Variants in USP10 observed in about 807,000 individuals in gnomAD.
The protein encoded by USP10 is ubiquitin carboxyl-terminal hydrolase 10.
A neutral mutation model predicts 84.5 loss-of-function variants in USP10; 22 were observed. The ratio of observed to expected loss-of-function variants is 0.26; its 90% CI spans 0.19 to 0.37. The LOEUF (loss-of-function observed/expected upper bound fraction) is 0.37, where lower values mean the gene tolerates loss of function less well. USP10 is among the 10% of genes least tolerant of loss of function. USP10 has a pLI of 1.00. For synonymous variants in USP10, 454 were observed against 387.6 expected (o/e 1.17, Z -2.01); for missense variants, 1,019 against 998.9 (o/e 1.02, Z -0.27).
chr16:84,712,341 A>G (rs1906419650), intron 1 of USP10, among the ~76,000 whole-genome samples: 1 of 152,158 alleles, frequency 6.6e-6, no homozygotes, highest in Non-Finnish European at 1.5e-5. Context: ...CACCACATGG[A>G]TGAGCCGGAA....
intron 1 of USP10, among the ~76,000 whole-genome samples, chr16:84,715,326 AC>A (rs1209010405): frequency 1.3e-5 from 2 of 152,220 alleles, no homozygotes; most frequent in Non-Finnish European, 2.9e-5. Context: ...AAGCATCCTT[AC>A]CTTTGTGTAT....
At chr16:84,713,504 C>CCCCCAATGTAAGCTCCTTGAGG (rs1193205179) in intron 1 of USP10, among the ~76,000 whole-genome samples, 1 of 152,126 alleles carries the variant, frequency 6.6e-6, no homozygotes, top group Non-Finnish European at 1.5e-5. Context: ...CTCTCGTCCT[C>CCCCCAATGTAAGCTCCTTGAGG]CCCCAATGTA....
At chr16:84,736,946 G>A (rs906917060) in intron 2 of USP10, among the ~76,000 whole-genome samples, 41 of 152,140 alleles carry the variant, frequency 2.7e-4, no homozygotes, top group Admixed American at 2.6e-3. Context: ...CCGCCACCTC[G>A]CCCGGCTAAT....
chr16:84,721,305 A>C (rs1256685926), intron 1 of USP10, among the ~76,000 whole-genome samples: 1 of 152,194 alleles, frequency 6.6e-6, no homozygotes, highest in Non-Finnish European at 1.5e-5. Flanking sequence ...GTACTGAAGA[A>C]TTCTTCTTCC....
intron 13 of USP10, among the ~76,000 whole-genome samples, chr16:84,775,927 C>G (rs1039241480): frequency 2.0e-4 from 31 of 152,002 alleles, no homozygotes; most frequent in African/African-American, 7.5e-4. Context: ...TGGATTGTTG[C>G]TGTTTGCCGC....
intron 1 of USP10, among the ~76,000 whole-genome samples, chr16:84,706,447 C>G (rs1415722490): frequency 2.7e-5 from 4 of 149,914 alleles, no homozygotes; most frequent in Admixed American, 1.3e-4. Context: ...TAATAATTTC[C>G]CTTACGTGGC....
At chr16:84,723,561 T>C (rs896767589) in intron 1 of USP10, among the ~76,000 whole-genome samples, 9 of 152,192 alleles carry the variant, frequency 5.9e-5, no homozygotes, top group Admixed American at 4.6e-4. Context: ...TCCTTATCCT[T>C]AGATAAGCTT....
At chr16:84,715,109 T>C (rs1906841750) in intron 1 of USP10, among the ~76,000 whole-genome samples, 3 of 152,034 alleles carry the variant, frequency 2.0e-5, no homozygotes, top group East Asian at 1.9e-4. Context: ...TTATATTTTT[T>C]AGTAGAGATG....
At chr16:84,748,034 G>T (rs1253982967) in intron 4 of USP10, among the ~76,000 whole-genome samples, 4 of 150,406 alleles carry the variant, frequency 2.7e-5, no homozygotes, top group African/African-American at 4.9e-5. Flanking sequence ...GGCGCCTGTA[G>T]TCCCAGCTAC....
intron 2 of USP10, among the ~76,000 whole-genome samples, chr16:84,733,915 GTTTAT>G (rs1383767059): frequency 6.6e-6 from 1 of 152,102 alleles, no homozygotes; most frequent in African/African-American, 2.4e-5. Flanking sequence ...TCAGTTTGTC[GTTTAT>G]TTTAAGCTAA....
At chr16:84,768,648 A>G (rs890335273) in intron 11 of USP10, among the ~76,000 whole-genome samples, 7 of 152,192 alleles carry the variant, frequency 4.6e-5, no homozygotes, top group Non-Finnish European at 8.8e-5. Flanking sequence ...TCACAACATC[A>G]ATACTACCTC....
intron 10 of USP10, among the ~76,000 whole-genome samples, chr16:84,767,985 C>A (rs143767049): frequency 4.6e-5 from 7 of 152,104 alleles, no homozygotes; most frequent in African/African-American, 1.7e-4. Context: ...TGACTCTTAA[C>A]GAGCATGCTG....
intron 10 of USP10, among the ~76,000 whole-genome samples, chr16:84,767,989 C>G (rs921170055): frequency 2.6e-5 from 4 of 152,050 alleles, no homozygotes; most frequent in African/African-American, 4.8e-5. Flanking sequence ...TCTTAACGAG[C>G]ATGCTGCCTT....
At chr16:84,704,376 C>T (rs570404972) in intron 1 of USP10, among the ~76,000 whole-genome samples, 132 of 152,332 alleles carry the variant, frequency 8.7e-4, no homozygotes, top group Admixed American at 1.9e-3. Context: ...GCAAGAATCA[C>T]CATCGCACAA....
chr16:84,728,460 C>T (rs1330889220), intron 1 of USP10, among the ~76,000 whole-genome samples: 5 of 152,070 alleles, frequency 3.3e-5, no homozygotes, highest in Non-Finnish European at 5.9e-5. Flanking sequence ...CTGCCTCAGC[C>T]TCCCGGGTAG....
rs1412971055 is a variant in USP10 at position 84,700,089 on chromosome 16, C to T, written c.-2C>T. On this transcript the variant is annotated 5_prime_UTR_variant, in exon 1 of 14. Coordinates refer to ENST00000219473, the MANE Select transcript of USP10 (RefSeq NM_005153.3). ...CGCGGAGTCCCAATGAAACGGGCAG[C>T]CATGGCCCTCCACAGCCCGCAGGTA... The T allele has an allele frequency of 6.6e-6, 9 of 1,366,144 alleles. No homozygotes were observed. In the South Asian group the frequency reaches 6.9e-5, roughly 10 times the overall value. 84.6% of individuals were successfully genotyped at this position (1,366,144 alleles called of 1,614,324 possible). A position where few individuals can be genotyped will look rare whatever the true frequency, so the allele number is the denominator to read the frequency against.
rs1316110889 is a variant in USP10, at chr16:84,733,418, C to G, written c.22-17C>G. The G allele has an allele frequency of 3.2e-6, 5 of 1,569,170 alleles. No individual in the cohort carries two copies. In the South Asian group the frequency reaches 3.4e-5, roughly 11 times the overall value. ...TGTATATTTTATGTGATCAGTGACT[C>G]TCTTATTTTTTTTCAGTATATTTTT... On this transcript the variant is annotated splice_polypyrimidine_tract_variant and intron_variant, in intron 1 of 13. Transcript: ENST00000219473.
chr16:84,702,045 CTTTTTTTTTTTT>C (rs1168917308), intron 1 of USP10, among the ~76,000 whole-genome samples: 2 of 42,614 alleles, frequency 4.7e-5, no homozygotes, highest in Non-Finnish European at 3.9e-5. Flanking sequence ...GAGTTTCGCT[CTTTTTTTTTTTT>C]TTTTTTTTTT....
intron 1 of USP10, among the ~76,000 whole-genome samples, chr16:84,706,221 G>A (rs1905483852): frequency 2.6e-5 from 4 of 151,922 alleles, no homozygotes; most frequent in Admixed American, 2.6e-4. Flanking sequence ...TTTTACTTTT[G>A]ATAGGACATG....
Sources: gnomAD v4.1 joint callset for allele counts (sites outside exome capture counted in the v4.1 genomes callset) on GRCh38, gnomAD v4.1.1 for gene constraint, MANE v1.5 for transcripts, NCBI Gene and HGNC (gene_info 2026-07-23, HGNC 2026-07-21) for gene names.